The following BABAM1 variants were observed in gnomAD, a reference collection of about 807,000 sequenced individuals.
BABAM1 encodes the protein BRISC and BRCA1 A complex member 1.
BABAM1 carries 14 observed loss-of-function variants against 34.4 expected under a neutral mutation model. That is an observed-to-expected ratio of 0.41 (90% CI 0.27 to 0.64). The LOEUF is 0.64. Ranked by LOEUF, BABAM1 falls within the 30% of genes least tolerant of loss-of-function variation. The pLI is 0.34. For synonymous variants in BABAM1, 169 were observed against 165.8 expected (o/e 1.02, Z -0.15); for missense variants, 393 against 434.0 (o/e 0.91, Z 0.84).
intron 3 of BABAM1, among the ~76,000 whole-genome samples, chr19:17,272,098 G>C (rs774478677): frequency 7.2e-5 from 11 of 151,970 alleles, no homozygotes. Flanking sequence ...GCACCACCAT[G>C]CCCGTTTAAT....
At chr19:17,272,911 G>A (rs545264913) in intron 3 of BABAM1, among the ~76,000 whole-genome samples, 1 of 152,054 alleles carries the variant, frequency 6.6e-6, no homozygotes, top group Non-Finnish European at 1.5e-5. Context: ...CCAGCTACTC[G>A]GGAGGCTGAG....
intron 2 of BABAM1, among the ~76,000 whole-genome samples, chr19:17,270,692 ATT>A (rs1263833188): frequency 7.4e-6 from 1 of 135,076 alleles, no homozygotes. Flanking sequence ...CACCCAACAA[ATT>A]TTTTTTTTTT....
chr19:17,272,808 G>A (rs949914993), intron 3 of BABAM1, among the ~76,000 whole-genome samples: 21 of 152,062 alleles, frequency 1.4e-4, no homozygotes, highest in Non-Finnish European at 2.8e-4. Context: ...CACGAGGTCT[G>A]GAGTTCGAGA....
chr19:17,269,130 G>A (rs759183978), intron 2 of BABAM1, 39 bp downstream of exon 2: 2 of 1,530,270 alleles, frequency 1.3e-6, no homozygotes, highest in Non-Finnish European at 1.8e-6. Flanking sequence ...GAGATGCTAG[G>A]GAACCTAGCA....
At chr19:17,269,494 G>A (rs1599488941) in intron 2 of BABAM1, among the ~76,000 whole-genome samples, 1 of 151,724 alleles carries the variant, frequency 6.6e-6, no homozygotes, top group South Asian at 2.1e-4. Context: ...GGGATTACAA[G>A]TGCCCACCAC....
At position 17,267,524 on chromosome 19, in the gene BABAM1, G is replaced by C. The variant is rs911303409; in HGVS notation, c.-17G>C. 1 of 152,196 alleles carries C rather than the reference G, an allele frequency of 6.6e-6. No homozygotes were observed. The highest frequency in any genetic ancestry group is 1.5e-5 in the Non-Finnish European group (1 of 68,032). 9.4% of individuals were successfully genotyped at this position (152,196 alleles called of 1,614,324 possible). ...AAGGAGGTTCAGGCTACGGTGAGCC[G>C]AAGGTGGGTGGTGAAAGCGTGTGGG... On this transcript the variant is annotated 5_prime_UTR_variant, in exon 1 of 9. Transcript: ENST00000598188.
intron 8 of BABAM1, among the ~76,000 whole-genome samples, chr19:17,277,700 A>G (rs528245092): frequency 6.6e-6 from 1 of 152,032 alleles, no homozygotes; most frequent in Non-Finnish European, 1.5e-5. Flanking sequence ...TCCTCCTTAT[A>G]TCTCAGTACC....
At chr19:17,278,143 C>T (rs1005989725) in intron 8 of BABAM1, among the ~76,000 whole-genome samples, 1 of 151,818 alleles carries the variant, frequency 6.6e-6, no homozygotes, top group Non-Finnish European at 1.5e-5. Context: ...CGTTGCACTC[C>T]AGCCTGGGAA....
In BABAM1 at chr19:17,268,953, C is replaced by T. The variant is rs759923979; in HGVS notation, c.147C>T (p.Ser49=). The T allele has an allele frequency of 8.9e-6, 14 of 1,575,104 alleles. No homozygotes were observed. Among genetic ancestry groups the T allele is most frequent in the East Asian group, 4.7e-5 (2 of 42,582 alleles). The change falls in exon 2 of 9, where the codon AGC becomes AGT. Residue 49 remains serine (S), a synonymous_variant. Coordinates refer to ENST00000598188, the MANE Select transcript of BABAM1 (RefSeq NM_014173.4). Reference sequence around the variant, plus strand: ...CACAGGCCAGCGTGGGCAGCCGCAGCGAGGGTGAGGGTGAGGCCGCCAGTG... The same window carrying T: ...CACAGGCCAGCGTGGGCAGCCGCAGTGAGGGTGAGGGTGAGGCCGCCAGTG... ...VGAQASVGSR[S]EGEGEAASAD...
chr19:17,268,383 A>G (rs1409239757), intron 1 of BABAM1, among the ~76,000 whole-genome samples: 1 of 151,520 alleles, frequency 6.6e-6, no homozygotes, highest in Non-Finnish European at 1.5e-5. Context: ...GTGACTCATC[A>G]TCAGTAAGCG....
rs2073947124 is a variant in BABAM1 at position 17,279,328 on chromosome 19, G to A, written c.*280G>A. On this transcript the variant is annotated 3_prime_UTR_variant, in exon 9 of 9. Coordinates refer to ENST00000598188, the MANE Select transcript of BABAM1 (RefSeq NM_014173.4). ...TTTTGCCATCAAAATAAAAATTTGA[G>A]ACTCGTTAACCGAAGTCCACGCCAA... 1 of 377,242 alleles carries A rather than the reference G, an allele frequency of 2.7e-6. No individual in the cohort carries two copies. Among genetic ancestry groups the A allele is most frequent in the Admixed American group, 4.3e-5 (1 of 23,176 alleles). The allele number at this position is 377,242 out of a possible 1,614,324, so 23.4% of individuals were successfully genotyped here.
At chr19:17,273,453 T>A (rs1426402876) in intron 3 of BABAM1, among the ~76,000 whole-genome samples, 1 of 152,004 alleles carries the variant, frequency 6.6e-6, no homozygotes, top group South Asian at 2.1e-4. Context: ...CCAGACTGGG[T>A]TTGTGGCTGA....
In BABAM1 at chr19:17,276,597, C is replaced by A; in HGVS notation, c.672C>A (p.Pro224=). 6.2e-7 allele frequency: 1 copy of A among 1,606,674 alleles called. No individual in the cohort carries two copies. The highest frequency in any genetic ancestry group is 8.5e-7 in the Non-Finnish European group (1 of 1,176,742). ...ILVYSRPPCQ[P]QFSLTEPMKK... is the part of the protein sequence containing the mutation. ...TCTACAGCCGTCCACCTTGCCAGCC[C>A]CAGTTCTCCTTGACGGAGCCCATGA... Residue 224 remains proline, a synonymous_variant, in exon 7 of 9, where the codon CCC becomes CCA. Transcript: ENST00000598188.
chr19:17,274,053 T>C (rs2073879090), intron 4 of BABAM1, 29 bp downstream of exon 4: 1 of 1,613,696 alleles, frequency 6.2e-7, no homozygotes, highest in Non-Finnish European at 8.5e-7. Context: ...CTGGGTGCCC[T>C]GGGGTCCCCT....
At position 17,269,104 on chromosome 19, in the gene BABAM1, G is replaced by C. The variant is rs1568332742; in HGVS notation, c.285+13G>C. ...TCCAGAGAAAGTGGTAAGTAGAGGG[G>C]GTGGCCTGGGGCTCTGAGATGCTAG... On this transcript the variant is annotated intron_variant, in intron 2 of 8. Coordinates refer to ENST00000598188, the MANE Select transcript of BABAM1 (RefSeq NM_014173.4). The C allele has an allele frequency of 1.3e-6, 2 of 1,582,692 alleles. No homozygotes were observed. Among genetic ancestry groups the C allele is most frequent in the Non-Finnish European group, 8.6e-7 (1 of 1,162,930 alleles).
Position 17,278,883 on chromosome 19 carries a change from T to C in BABAM1, c.825T>C (p.Gly275=). ...TCATGGGCAGCCTGGATACCAAGGGTACCAGCTACAAGTATGAGGTGGCAC... is the reference window on the plus strand; with the variant it reads ...TCATGGGCAGCCTGGATACCAAGGGCACCAGCTACAAGTATGAGGTGGCAC... ...FAFMGSLDTK[G]TSYKYEVALA... The change falls in exon 9 of 9, where the codon GGT becomes GGC. Residue 275 remains glycine (G), a synonymous_variant. Transcript: ENST00000598188. 6.2e-7 allele frequency: 1 copy of C among 1,613,486 alleles called. No individual in the cohort carries two copies.
At chr19:17,276,031 G>T (rs1465647459) in intron 6 of BABAM1, among the ~76,000 whole-genome samples, 1 of 152,160 alleles carries the variant, frequency 6.6e-6, no homozygotes, top group Non-Finnish European at 1.5e-5. Context: ...TCCAGCTGAC[G>T]GCAGTGATGG....
chr19:17,270,183 G>A (rs1240462557), intron 2 of BABAM1, among the ~76,000 whole-genome samples: 3 of 151,592 alleles, frequency 2.0e-5, no homozygotes, highest in Non-Finnish European at 4.4e-5. Flanking sequence ...CACCTGCCTC[G>A]GCCTCCCAAA....
Position 17,274,142 on chromosome 19 carries a change from T to C in BABAM1, c.501T>C (p.Cys167=). ...TGACCTCCGACCCCCGCGAGCTCTG[T>C]AGCTGCCTCTATGATCTGGAGACGG... The part of the protein sequence containing the change: ...SGLTSDPREL[C]SCLYDLETAS... Residue 167 remains cysteine (C), a synonymous_variant, in exon 5 of 9, where the codon TGT becomes TGC. Transcript: ENST00000598188. The C allele has an allele frequency of 6.2e-7, 1 of 1,613,684 alleles. No homozygotes were observed. Among genetic ancestry groups the C allele is most frequent in the Non-Finnish European group, 8.5e-7 (1 of 1,179,866 alleles).
Sources: gnomAD v4.1 joint callset for allele counts (sites outside exome capture counted in the v4.1 genomes callset) on GRCh38, gnomAD v4.1.1 for gene constraint, MANE v1.5 for transcripts, NCBI Gene and HGNC (gene_info 2026-07-23, HGNC 2026-07-21) for gene names.